Variants in CD36 observed in about 807,000 individuals in gnomAD.
CD36 encodes the protein CD36 molecule (CD36 blood group).
In CD36, 119 loss-of-function variants were observed where a neutral mutation model predicts 55.2. The ratio of observed to expected loss-of-function variants is 2.15; its 90% CI spans 1.86 to 2.51. The LOEUF (loss-of-function observed/expected upper bound fraction) is 2.51, where lower values mean the gene tolerates loss of function less well. Ranked by LOEUF, CD36 falls within the 30% of genes most tolerant of loss-of-function variation. CD36 has a pLI of 0.00. For synonymous variants in CD36, 186 were observed against 193.6 expected (o/e 0.96, Z 0.33); for missense variants, 819 against 555.5 (o/e 1.47, Z -4.77).
rs117411981 is a variant in CD36 at position 80,633,556 on chromosome 7, C to T, written c.-183-12532C>T. On this transcript the variant is annotated intron_variant, in intron 1 of 13. Transcript: ENST00000309881. ...CAGTCTCAGCATTTCACTAGCATTA[C>T]ATGATGCTCTTGTCTTTTGCAATTT... is the stretch of plus-strand genomic sequence containing the variant. Among the ~76,000 whole-genome samples, 1,329 of 152,132 alleles carry T rather than the reference C, an allele frequency of 8.7e-3. 9 individuals carry two copies. The highest frequency in any genetic ancestry group is 0.013 in the Non-Finnish European group (903 of 67,940).
chr7:80,672,414 T>C (rs897929489), intron 11 of CD36, among the ~76,000 whole-genome samples: 1 of 151,844 alleles, frequency 6.6e-6, no homozygotes, highest in Non-Finnish European at 1.5e-5. Context: ...AGGATTTTAG[T>C]AGTTATGTTT....
intron 4 of CD36, among the ~76,000 whole-genome samples, chr7:80,659,963 A>G (rs1796396187): frequency 6.6e-6 from 1 of 152,086 alleles, no homozygotes; most frequent in South Asian, 2.1e-4. Flanking sequence ...ATTTACTGAG[A>G]ACTCATTATA....
At chr7:80,603,664 G>A (rs1206771339) in intron 1 of CD36, among the ~76,000 whole-genome samples, 2 of 150,718 alleles carry the variant, frequency 1.3e-5, no homozygotes, top group East Asian at 3.9e-4. Context: ...TGATAACTGT[G>A]TAATTAACTG....
At chr7:80,633,148 A>G (rs1186175090) in intron 1 of CD36, 2 of 151,816 alleles carry the variant, frequency 1.3e-5, no homozygotes, top group Non-Finnish European at 2.9e-5. Context: ...GCATTTCCTT[A>G]TGTTTCTTAC....
chr7:80,668,134 C>T (rs1288549622), intron 8 of CD36, among the ~76,000 whole-genome samples: 2 of 152,134 alleles, frequency 1.3e-5, no homozygotes, highest in Non-Finnish European at 2.9e-5. Flanking sequence ...TTCAAGTCCT[C>T]AATACTACCA....
At chr7:80,673,828 T>G in intron 13 of CD36, 155 bp from the exon 14 acceptor site, 2 of 678,014 alleles carry the variant, frequency 2.9e-6, no homozygotes, top group South Asian at 3.3e-5. Flanking sequence ...TTAATTGCCT[T>G]TCTTGACTTG....
At position 80,671,964 on chromosome 7, in the gene CD36, G is replaced by A. The variant is rs779589356; in HGVS notation, c.1049G>A (p.Ser350Asn). The change falls in exon 11 of 15, where the codon AGT (serine) becomes AAT (asparagine). Residue 350 changes from serine to asparagine, a missense_variant. Ser to Asn is a conservative substitution (Grantham distance 46). Transcript: ENST00000447544. ...TCACTTCCTCATTTTCTGTATGCAAGTCCTGATGTTTCAGAACCTATTGAT... is the reference window on the plus strand; with the variant it reads ...TCACTTCCTCATTTTCTGTATGCAAATCCTGATGTTTCAGAACCTATTGAT... ...YISLPHFLYA[S>N]PDVSEPIDGL... 6.8e-6 allele frequency: 11 copies of A among 1,610,758 alleles called. No homozygotes were observed. In the South Asian group the frequency reaches 1.2e-4, roughly 18 times the overall value.
intron 1 of CD36, among the ~76,000 whole-genome samples, chr7:80,644,564 A>G (rs1394266772): frequency 1.3e-5 from 2 of 152,196 alleles, no homozygotes; most frequent in Non-Finnish European, 2.9e-5. Context: ...ATTTTGGGGG[A>G]AAATATCATT....
chr7:80,670,105 A>C, intron 9 of CD36, 83 bp downstream of exon 9: 2 of 837,498 alleles, frequency 2.4e-6, no homozygotes, highest in Non-Finnish European at 4.1e-6. Flanking sequence ...AACACAGCAT[A>C]GGAAATTCAT....
intron 4 of CD36, among the ~76,000 whole-genome samples, chr7:80,659,810 A>G (rs1410162687): frequency 6.6e-6 from 1 of 152,150 alleles, no homozygotes; most frequent in Non-Finnish European, 1.5e-5. Flanking sequence ...AATTGTCCTG[A>G]GTGCTGTTTC....
chr7:80,646,907 A>T (rs371515972), intron 3 of CD36, 47 bp downstream of exon 3: 1 of 1,608,000 alleles, frequency 6.2e-7, no homozygotes, highest in Non-Finnish European at 8.5e-7. Flanking sequence ...ATTGATTCTA[A>T]CTTCTCTTTT....
intron 3 of CD36, among the ~76,000 whole-genome samples, chr7:80,648,906 A>T (rs1391111904): frequency 6.6e-6 from 1 of 152,136 alleles, no homozygotes; most frequent in Non-Finnish European, 1.5e-5. Flanking sequence ...AGATGGAAGG[A>T]AGAAGGTAGA....
At chr7:80,671,522 A>G (rs1797672990) in intron 10 of CD36, among the ~76,000 whole-genome samples, 1 of 152,096 alleles carries the variant, frequency 6.6e-6, no homozygotes, top group Admixed American at 6.5e-5. Context: ...CACATTAAAC[A>G]TCCTGTTATT....
chr7:80,654,473 T>C (rs1225510794), intron 3 of CD36, among the ~76,000 whole-genome samples: 1 of 152,206 alleles, frequency 6.6e-6, no homozygotes, highest in Non-Finnish European at 1.5e-5. Context: ...TGTTCTCCCT[T>C]GTTAAGTCTC....
rs1795151436 is a variant in CD36 at position 80,646,154 on chromosome 7, C to T, written c.-117C>T. The stretch of plus-strand genomic sequence containing the variant: ...TCATCAGTTCATTTCCTGTAAAATT[C>T]ATGTCTTGCTGTTGATTTGTGAATA... On this transcript the variant is annotated 5_prime_UTR_variant, in exon 2 of 15. Transcript: ENST00000447544. The T allele has an allele frequency of 1.3e-5, 2 of 154,334 alleles. No homozygotes were observed. The highest frequency in any genetic ancestry group is 2.0e-4 in the South Asian group (1 of 5,040). The allele number at this position is 154,334 out of a possible 1,614,324, so 9.6% of individuals were successfully genotyped here. A position where few individuals can be genotyped will look rare whatever the true frequency, so the allele number is the denominator to read the frequency against.
At chr7:80,608,266 C>T (rs1167262873) in intron 1 of CD36, among the ~76,000 whole-genome samples, 2 of 152,122 alleles carry the variant, frequency 1.3e-5, no homozygotes, top group Non-Finnish European at 2.9e-5. Context: ...ACCTGCAAAG[C>T]ACTCTAAAAA....
intron 3 of CD36, among the ~76,000 whole-genome samples, chr7:80,650,928 A>AG (rs1554338195): frequency 2.6e-4 from 2 of 7,794 alleles, no homozygotes; most frequent in Admixed American, 2.6e-3. Context: ...GCAGTCTTTC[A>AG]AAAAAAAAAA....
At chr7:80,640,470 T>A (rs942527031) in intron 1 of CD36, among the ~76,000 whole-genome samples, 3 of 152,006 alleles carry the variant, frequency 2.0e-5, no homozygotes, top group Non-Finnish European at 2.9e-5. Flanking sequence ...GCAACCTTAT[T>A]TGATGTAAGT....
chr7:80,647,044 T>A, intron 3 of CD36, 184 bp downstream of exon 3: 1 of 598,298 alleles, frequency 1.7e-6, no homozygotes, highest in Non-Finnish European at 2.9e-6. Flanking sequence ...ATAAGTATAA[T>A]GTATATTTAA....
Sources: allele counts gnomAD v4.1 joint callset (sites outside exome capture counted in the v4.1 genomes callset), GRCh38; gene constraint gnomAD v4.1.1; transcripts MANE v1.5; gene names NCBI Gene and HGNC (gene_info 2026-07-23, HGNC 2026-07-21).